MED13L: variants seen among roughly 807,000 people sequenced by gnomAD.
MED13L encodes mediator complex subunit 13L.
MED13L carries 7 observed loss-of-function variants against 220.9 expected under a neutral mutation model. That is an observed-to-expected ratio of 0.03 (90% CI 0.02 to 0.06). MED13L has a LOEUF of 0.06. Ranked by LOEUF, MED13L falls within the 10% of genes least tolerant of loss-of-function variation. MED13L has a pLI of 1.00. For synonymous variants in MED13L, 1,011 were observed against 1,015.2 expected (o/e 1.00, Z 0.08); for missense variants, 1,965 against 2,760.5 (o/e 0.71, Z 6.46).
intron 16 of MED13L, among the ~76,000 whole-genome samples, chr12:115,994,993 T>C (rs1425705550): frequency 6.6e-6 from 1 of 152,248 alleles, no homozygotes; most frequent in East Asian, 1.9e-4. Context: ...TTTAAGGTCA[T>C]GCATATAATT....
Position 116,211,606 on chromosome 12 carries a change from A to G in MED13L, c.310+25862T>C, listed in dbSNP as rs770342875. On this transcript the variant is annotated intron_variant, in intron 2 of 30. Coordinates refer to ENST00000281928, the MANE Select transcript of MED13L (RefSeq NM_015335.5). ...AACTGCCTGATTTATACTTTAGGGCAGCTGAATTTGGGAGTCAGAAATAAT... is the reference window on the plus strand; with the variant it reads ...AACTGCCTGATTTATACTTTAGGGCGGCTGAATTTGGGAGTCAGAAATAAT... Among the ~76,000 whole-genome samples the G allele has an allele frequency of 2.6e-4, 39 of 152,336 alleles. 2 individuals carry two copies. The highest frequency in any genetic ancestry group is 3.9e-4 in the East Asian group (2 of 5,192).
At chr12:116,196,271 G>C (rs1881618148) in intron 2 of MED13L, among the ~76,000 whole-genome samples, 1 of 151,988 alleles carries the variant, frequency 6.6e-6, no homozygotes, top group Non-Finnish European at 1.5e-5. Flanking sequence ...TCACTTTAGA[G>C]GGCCAAATTG....
At chr12:116,222,486 G>C (rs1259228132) in intron 2 of MED13L, among the ~76,000 whole-genome samples, 1 of 152,196 alleles carries the variant, frequency 6.6e-6, no homozygotes, top group Non-Finnish European at 1.5e-5. Context: ...GACCTATGCT[G>C]TAATGCCAGC....
At chr12:116,076,542 C>T (rs1268861074) in intron 4 of MED13L, among the ~76,000 whole-genome samples, 1 of 151,958 alleles carries the variant, frequency 6.6e-6, no homozygotes, top group African/African-American at 2.4e-5. Flanking sequence ...GTCTTACAAA[C>T]AAAACAAAAT....
chr12:116,268,307 T>A (rs1423159999), intron 1 of MED13L, among the ~76,000 whole-genome samples: 1 of 152,194 alleles, frequency 6.6e-6, no homozygotes, highest in African/African-American at 2.4e-5. Context: ...AATGTTCCAG[T>A]TAGATATATG....
chr12:116,271,384 A>T lies in MED13L; in HGVS notation c.72+5676T>A, dbSNP rs1158834886. ...GGCGGGAGGATCACGAGGTCAGGAG[A>T]TCGAGACCATCCTGGCTAACATGGT... On this transcript the variant is annotated intron_variant, in intron 1 of 30. Transcript: ENST00000281928. 5.3e-5 allele frequency among the ~76,000 whole-genome samples: 8 copies of T among 152,080 alleles called. 1 individual carries two copies. In the South Asian group the frequency reaches 1.7e-3, roughly 32 times the overall value.
chr12:115,985,006 T>C (rs1877590301), intron 19 of MED13L, among the ~76,000 whole-genome samples: 1 of 152,158 alleles, frequency 6.6e-6, no homozygotes, highest in African/African-American at 2.4e-5. Flanking sequence ...CCCGTATTAT[T>C]ATCCCTTACT....
intron 4 of MED13L, among the ~76,000 whole-genome samples, chr12:116,076,308 C>T (rs1870796430): frequency 6.6e-6 from 1 of 152,106 alleles, no homozygotes; most frequent in Non-Finnish European, 1.5e-5. Context: ...AGGCTGATAA[C>T]AGAGGACTGC....
chr12:116,135,445 C>A lies in MED13L; in HGVS notation c.311-23933G>T, dbSNP rs79717770. ...CCTCCAGATGATCTTGGCACCCAGC[C>A]ATTCAATTATACTAGCTTTGCCAGC... On this transcript the variant is annotated intron_variant, in intron 2 of 30. Coordinates refer to ENST00000281928, the MANE Select transcript of MED13L (RefSeq NM_015335.5). Among the ~76,000 whole-genome samples, 1,152 of 152,308 alleles carry A rather than the reference C, an allele frequency of 7.6e-3. 13 individuals are homozygous for A. The highest frequency in any genetic ancestry group is 0.026 in the African/African-American group (1,087 of 41,572).
At chr12:116,264,288 G>A (rs1872688169) in intron 1 of MED13L, among the ~76,000 whole-genome samples, 1 of 152,112 alleles carries the variant, frequency 6.6e-6, no homozygotes, top group Non-Finnish European at 1.5e-5. Context: ...TCCATTTCAA[G>A]GGGGCCTACT....
chr12:116,231,329 T>A (rs1001712871), intron 2 of MED13L, among the ~76,000 whole-genome samples: 6 of 152,180 alleles, frequency 3.9e-5, no homozygotes, highest in Non-Finnish European at 2.9e-5. Context: ...TGACATGACC[T>A]GTTTCTGATG....
chr12:116,102,227 G>C (rs1223180868), intron 3 of MED13L, among the ~76,000 whole-genome samples: 1 of 152,156 alleles, frequency 6.6e-6, no homozygotes, highest in Non-Finnish European at 1.5e-5. Context: ...TGATTCCAAA[G>C]TTGGCACCCC....
At chr12:116,178,101 AC>A (rs941764637) in intron 2 of MED13L, among the ~76,000 whole-genome samples, 3 of 151,902 alleles carry the variant, frequency 2.0e-5, no homozygotes, top group Admixed American at 2.0e-4. Context: ...CTGCTCTCGA[AC>A]CCATGGGCTC....
At chr12:116,197,519 C>A (rs1289103607) in intron 2 of MED13L, among the ~76,000 whole-genome samples, 1 of 152,154 alleles carries the variant, frequency 6.6e-6, no homozygotes, top group Non-Finnish European at 1.5e-5. Context: ...GTAATCCCAG[C>A]ATTTTGGGAG....
At chr12:116,088,500 G>C (rs1871910142) in intron 4 of MED13L, among the ~76,000 whole-genome samples, 1 of 152,184 alleles carries the variant, frequency 6.6e-6, no homozygotes, top group East Asian at 1.9e-4. Context: ...GAGGGAGGAG[G>C]GTGTGACTGG....
At chr12:116,082,432 T>C (rs1179031076) in intron 4 of MED13L, 3 of 152,194 alleles carry the variant, frequency 2.0e-5, no homozygotes, top group African/African-American at 4.8e-5. Flanking sequence ...AACTTGCTTC[T>C]TTCCTCACCT....
chr12:116,031,046 G>C (rs1880705768), intron 4 of MED13L, among the ~76,000 whole-genome samples: 1 of 152,046 alleles, frequency 6.6e-6, no homozygotes, highest in African/African-American at 2.4e-5. Context: ...TAGGAAAGAA[G>C]CATATGTTAA....
intron 4 of MED13L, among the ~76,000 whole-genome samples, chr12:116,061,279 T>A (rs1486841038): frequency 6.6e-6 from 1 of 152,204 alleles, no homozygotes; most frequent in Non-Finnish European, 1.5e-5. Flanking sequence ...TGTATTTAAA[T>A]CCAGATGCAT....
intron 3 of MED13L, among the ~76,000 whole-genome samples, chr12:116,108,394 G>GC (rs1304729332): frequency 7.1e-6 from 1 of 140,024 alleles, no homozygotes; most frequent in Non-Finnish European, 1.6e-5. Context: ...AAAGAAAGGG[G>GC]GGGGGGGCGC....
Sources: gnomAD v4.1 joint callset for allele counts (sites outside exome capture counted in the v4.1 genomes callset) on GRCh38, gnomAD v4.1.1 for gene constraint, MANE v1.5 for transcripts, NCBI Gene and HGNC (gene_info 2026-07-23, HGNC 2026-07-21) for gene names.